SPTB: variants seen among roughly 807,000 people sequenced by gnomAD.
SPTB encodes the protein spectrin beta chain, erythrocytic.
Under a neutral mutation model 256.2 loss-of-function variants are expected in SPTB, and 45 were observed. That is an observed-to-expected ratio of 0.18 (90% CI 0.14 to 0.23). SPTB has a LOEUF of 0.23. SPTB is among the 10% of genes least tolerant of loss of function. The pLI is 1.00. For synonymous variants in SPTB, 1,231 were observed against 1,243.1 expected, an observed-to-expected ratio of 0.99 and a Z score of 0.21; for missense variants, 2,715 against 3,040.4, an observed-to-expected ratio of 0.89 and a Z score of 2.52.
In SPTB at chr14:64,796,780, C is replaced by G. The variant is rs2139607554; in HGVS notation, c.1183-65G>C. 6.3e-7 allele frequency: 1 copy of G among 1,596,090 alleles called. No individual in the cohort carries two copies. The highest frequency in any genetic ancestry group is 8.6e-7 in the Non-Finnish European group (1 of 1,167,338). On this transcript the variant is annotated intron_variant, in intron 10 of 35. Coordinates refer to ENST00000644917, the MANE Select transcript of SPTB (RefSeq NM_001355436.2). This position sits in a 1 kb window ranked among gnomAD's most constrained non-coding sequence, Gnocchi z 4.1. ...GAAATGCCTCACTTTGGGGGCTCCA[C>G]CCCTTTCACCCAACACTGAGTGATT... is the stretch of plus-strand genomic sequence containing the variant.
At chr14:64,878,906 G>C (rs1000052270) in intron 1 of SPTB, among the ~76,000 whole-genome samples, 2 of 152,010 alleles carry the variant, frequency 1.3e-5, no homozygotes, top group Admixed American at 6.6e-5. Flanking sequence ...GATATTAATA[G>C]GCTGTAACTC....
intron 1 of SPTB, among the ~76,000 whole-genome samples, chr14:64,839,970 C>A: frequency 6.6e-6 from 1 of 152,214 alleles, no homozygotes; most frequent in South Asian, 2.1e-4. Flanking sequence ...GAATGATGAT[C>A]TTTATTGTCT....
intron 1 of SPTB, among the ~76,000 whole-genome samples, chr14:64,833,669 G>A (rs1438980245): frequency 3.9e-5 from 6 of 152,124 alleles, no homozygotes; most frequent in Non-Finnish European, 8.8e-5. Flanking sequence ...CAATGCACTT[G>A]CCATACTGTA....
chr14:64,775,079 C>A lies in SPTB; in HGVS notation c.4842+46G>T. ...CTACCGACAGCCAACCTCAACTCTTCCTCTCTGCCTGGGCACCCTGGCTGG... is the reference window on the plus strand; with the variant it reads ...CTACCGACAGCCAACCTCAACTCTTACTCTCTGCCTGGGCACCCTGGCTGG... On this transcript the variant is annotated intron_variant, in intron 23 of 35. Transcript: ENST00000644917. The surrounding 1 kb of genome is among the most constrained non-coding windows in gnomAD (Gnocchi z 5.0). The A allele has an allele frequency of 6.2e-7, 1 of 1,613,480 alleles. No individual in the cohort carries two copies. The highest frequency in any genetic ancestry group is 1.3e-5 in the African/African-American group (1 of 75,062).
rs1055887504 is a variant in SPTB at position 64,794,394 on chromosome 14, A to T, written c.1795+73T>A. The T allele has an allele frequency of 5.0e-6, 8 of 1,585,978 alleles. No homozygotes were observed. The African/African-American group carries it at 1.1e-4, about 21-fold the overall frequency. ...AAAGTTGGTTCCAGGAGATTTATCCAAGTTGGGTTGTTAGGCCAGAGGTGA... is the reference window on the plus strand; with the variant it reads ...AAAGTTGGTTCCAGGAGATTTATCCTAGTTGGGTTGTTAGGCCAGAGGTGA... On this transcript the variant is annotated intron_variant, in intron 13 of 35. Coordinates refer to ENST00000644917, the MANE Select transcript of SPTB (RefSeq NM_001355436.2).
Position 64,794,464 on chromosome 14 carries a change from C to T in SPTB, c.1795+3G>A, listed in dbSNP as rs1240961726. The T allele has an allele frequency of 1.2e-6, 2 of 1,614,200 alleles. No homozygotes were observed. Among genetic ancestry groups the T allele is most frequent in the East Asian group, 2.2e-5 (1 of 44,880 alleles). The stretch of plus-strand genomic sequence containing the variant: ...TCAAAAGGGGAGACAGACTTGGTCT[C>T]ACCTTTCCCCTCGGTGAACTTCAGG... On this transcript the variant is annotated splice_donor_region_variant and intron_variant, in intron 13 of 35. Coordinates refer to ENST00000644917, the MANE Select transcript of SPTB (RefSeq NM_001355436.2).
rs1359640101 is a variant in SPTB, at chr14:64,825,529, A to G, written c.-51-2384T>C. Among the ~76,000 whole-genome samples the G allele has an allele frequency of 6.6e-6, 1 of 151,830 alleles. No homozygotes were observed. Among genetic ancestry groups the G allele is most frequent in the African/African-American group, 2.4e-5 (1 of 41,286 alleles). ...TGGTCTCTGAGCCAGAGAGGGACTG[A>G]CAGGCTGACCACCTCCTGCAGGGCC... On this transcript the variant is annotated intron_variant, in intron 1 of 35. Coordinates refer to ENST00000644917, the MANE Select transcript of SPTB (RefSeq NM_001355436.2). This position sits in a 1 kb window ranked among gnomAD's most constrained non-coding sequence, Gnocchi z 4.8.
intron 6 of SPTB, 107 bp from the exon 7 acceptor site, chr14:64,801,507 C>CAGGAGGAGTGAA: frequency 8.8e-6 from 8 of 911,726 alleles, no homozygotes; most frequent in South Asian, 8.1e-5. Flanking sequence ...GGTGGTCAGG[C>CAGGAGGAGTGAA]AGGAGGAGTG....
intron 2 of SPTB, among the ~76,000 whole-genome samples, chr14:64,820,657 C>T (rs1352710682): frequency 2.0e-5 from 3 of 152,190 alleles, no homozygotes; most frequent in Non-Finnish European, 2.9e-5. Context: ...TCAGCAAAGG[C>T]TCTTTCCTGA....
chr14:64,815,413 C>T (rs1412365551), intron 2 of SPTB, among the ~76,000 whole-genome samples: 1 of 152,214 alleles, frequency 6.6e-6, no homozygotes, highest in Non-Finnish European at 1.5e-5. Context: ...CTGTCTTGGC[C>T]ACTTCCTGGT....
chr14:64,776,550 C>T (rs1292496765), intron 22 of SPTB, among the ~76,000 whole-genome samples: 2 of 152,148 alleles, frequency 1.3e-5, no homozygotes. Flanking sequence ...AGATGATTCT[C>T]CCACCTCAGC....
rs2082076122 is a variant in SPTB at position 64,760,350 on chromosome 14, G to A, written c.6345+6376C>T. 6.6e-6 allele frequency among the ~76,000 whole-genome samples: 1 copy of A among 152,114 alleles called. No individual in the cohort carries two copies. The highest frequency in any genetic ancestry group is 2.4e-5 in the African/African-American group (1 of 41,418). On this transcript the variant is annotated intron_variant, in intron 32 of 35. Transcript: ENST00000644917. This position sits in a 1 kb window ranked among gnomAD's most constrained non-coding sequence, Gnocchi z 4.3. ...AAAGGAGGTGAAGGTGTATGTCCAG[G>A]CTCAACCAGCAGGTGGCGCGGGGGA...
chr14:64,874,667 C>T (rs988950859), intron 1 of SPTB, among the ~76,000 whole-genome samples: 5 of 152,180 alleles, frequency 3.3e-5, no homozygotes, highest in African/African-American at 1.2e-4. Context: ...CTTTCTGGTC[C>T]ACATAATTTA....
Position 64,772,949 on chromosome 14 carries a change from C to T in SPTB, c.5184G>A (p.Leu1728=), listed in dbSNP as rs2082300929. ...MGQDFDHVTL[L]RDKFRDFARE... ...GGGCAAAGTCCCGGAACTTGTCCCGCAGAAGCTAGGCATGGGGCAGACAGA... is the reference window on the plus strand; with the variant it reads ...GGGCAAAGTCCCGGAACTTGTCCCGTAGAAGCTAGGCATGGGGCAGACAGA... The change falls in exon 26 of 36, where the codon CTG becomes CTA. Residue 1728 remains leucine, a synonymous_variant. Coordinates refer to ENST00000644917, the MANE Select transcript of SPTB (RefSeq NM_001355436.2). The surrounding 1 kb of genome is among the most constrained non-coding windows in gnomAD (Gnocchi z 5.4). 2 of 1,600,326 alleles carry T rather than the reference C, an allele frequency of 1.2e-6. No homozygotes were observed. Among genetic ancestry groups the T allele is most frequent in the Non-Finnish European group, 1.7e-6 (2 of 1,173,376 alleles).
At chr14:64,797,549 G>T (rs1427937868) in intron 10 of SPTB, among the ~76,000 whole-genome samples, 180 bp downstream of exon 10, 4 of 150,360 alleles carry the variant, frequency 2.7e-5, no homozygotes, top group Admixed American at 1.3e-4. Flanking sequence ...GAAGGAGGGT[G>T]GGGGAGTAGA....
chr14:64,765,041 T>TGTGTGTGTGTGTGC (rs570414192), intron 32 of SPTB, among the ~76,000 whole-genome samples: 20 of 116,988 alleles, frequency 1.7e-4, no homozygotes, highest in African/African-American at 5.7e-4. Flanking sequence ...TGTGTGTGTG[T>TGTGTGTGTGTGTGC]GCGCGCGCGC....
chr14:64,782,512 G>A lies in SPTB; in HGVS notation c.4044C>T (p.Ala1348=), dbSNP rs140095458. 2.2e-5 allele frequency: 35 copies of A among 1,614,110 alleles called. No individual in the cohort carries two copies. Among genetic ancestry groups the A allele is most frequent in the Non-Finnish European group, 2.8e-5 (33 of 1,180,038 alleles). Residue 1348 remains alanine (A), a synonymous_variant, in exon 20 of 36, where the codon GCC becomes GCT. Coordinates refer to ENST00000644917, the MANE Select transcript of SPTB (RefSeq NM_001355436.2). ...GGGCTTCCAGCTTTTGGGACACCAG[G>A]GCTGTAAACTGGGGCTTCTCATCCA... The part of the protein sequence containing the change: ...QLMDEKPQFT[A]LVSQKLEALH...
Position 64,827,047 on chromosome 14 carries a change from C to G in SPTB, c.-51-3902G>C, listed in dbSNP as rs1194898178. ...CCGATGCTAGGCTCAGAGCCTCAACCTCATGTGCTATGTCCAGTTACTCCC... is the reference window on the plus strand; with the variant it reads ...CCGATGCTAGGCTCAGAGCCTCAACGTCATGTGCTATGTCCAGTTACTCCC... On this transcript the variant is annotated intron_variant, in intron 1 of 35. Transcript: ENST00000644917. This position sits in a 1 kb window ranked among gnomAD's most constrained non-coding sequence, Gnocchi z 4.6. Among the ~76,000 whole-genome samples the G allele has an allele frequency of 6.6e-6, 1 of 152,200 alleles. No homozygotes were observed. The highest frequency in any genetic ancestry group is 6.5e-5 in the Admixed American group (1 of 15,286).
chr14:64,829,931 G>A (rs2083427305), intron 1 of SPTB, among the ~76,000 whole-genome samples: 2 of 151,926 alleles, frequency 1.3e-5, no homozygotes, highest in East Asian at 1.9e-4. Context: ...CCAGCTCAGG[G>A]GTCTTGTGCA....
Sources: allele counts gnomAD v4.1 joint callset (sites outside exome capture counted in the v4.1 genomes callset), GRCh38; gene constraint gnomAD v4.1.1; non-coding constraint Gnocchi (gnomAD v3.1); transcripts MANE v1.5; gene names NCBI Gene and HGNC (gene_info 2026-07-23, HGNC 2026-07-21).